The following ERBB4 variants were observed in gnomAD, a reference collection of about 807,000 sequenced individuals.
ERBB4 encodes the protein receptor tyrosine-protein kinase erbB-4.
Under a neutral mutation model 158.0 loss-of-function variants are expected in ERBB4, and 42 were observed. The ratio of observed to expected loss-of-function variants is 0.27; its 90% confidence interval spans 0.21 to 0.34. The LOEUF is 0.34. Ranked by LOEUF, ERBB4 falls within the 10% of genes least tolerant of loss-of-function variation. The probability of loss-of-function intolerance (pLI) is 1.00; values close to 1 mark genes in which losing one functional copy is unlikely to be tolerated. For synonymous variants in ERBB4, 583 were observed against 558.7 expected, an observed-to-expected ratio of 1.04 and a Z score of -0.61; for missense variants, 1,333 against 1,624.1, an observed-to-expected ratio of 0.82 and a Z score of 3.08.
At chr2:212,497,773 A>G (rs758166289) in intron 1 of ERBB4, among the ~76,000 whole-genome samples, 6 of 152,246 alleles carry the variant, frequency 3.9e-5, no homozygotes, top group Non-Finnish European at 7.3e-5. Flanking sequence ...AGAATACCTA[A>G]GGGCACAATA....
At chr2:212,101,327 TACAA>T (rs1200260745) in intron 2 of ERBB4, among the ~76,000 whole-genome samples, 2 of 97,006 alleles carry the variant, frequency 2.1e-5, no homozygotes, top group Admixed American at 9.4e-5. Context: ...TGGATCAAAA[TACAA>T]ACACACACAC....
chr2:212,403,019 C>T (rs1251193037), intron 1 of ERBB4, among the ~76,000 whole-genome samples: 1 of 151,950 alleles, frequency 6.6e-6, no homozygotes, highest in Admixed American at 6.6e-5. Flanking sequence ...ATTATATCTA[C>T]TAATTAGTCA....
At chr2:211,828,367 A>C (rs1286401606) in intron 3 of ERBB4, among the ~76,000 whole-genome samples, 4 of 152,044 alleles carry the variant, frequency 2.6e-5, no homozygotes, top group African/African-American at 4.8e-5. Context: ...CACAACCCTG[A>C]AATAAGGAAA....
intron 1 of ERBB4, among the ~76,000 whole-genome samples, chr2:212,377,025 C>G (rs188270746): frequency 1.7e-4 from 26 of 151,898 alleles, no homozygotes; most frequent in African/African-American, 6.3e-4. Flanking sequence ...AGAACCTTCA[C>G]TATATCTTCT....
At chr2:212,206,672 C>T (rs572467476) in intron 1 of ERBB4, among the ~76,000 whole-genome samples, 2 of 149,170 alleles carry the variant, frequency 1.3e-5, no homozygotes, top group East Asian at 3.9e-4. Context: ...CTGCAAGCTC[C>T]GCCTCCCGGG....
chr2:211,973,883 AT>A (rs2125210236), intron 2 of ERBB4, among the ~76,000 whole-genome samples: 1 of 152,332 alleles, frequency 6.6e-6, no homozygotes, highest in South Asian at 2.1e-4. Flanking sequence ...CATGTACACC[AT>A]GGAAACTATA....
intron 2 of ERBB4, among the ~76,000 whole-genome samples, chr2:212,056,117 A>G (rs1350078145): frequency 2.0e-5 from 3 of 152,248 alleles, no homozygotes; most frequent in Non-Finnish European, 2.9e-5. Flanking sequence ...TGGCACGAGA[A>G]CTACGTGACG....
intron 1 of ERBB4, among the ~76,000 whole-genome samples, chr2:212,277,256 A>G (rs992450752): frequency 6.6e-6 from 1 of 151,820 alleles, no homozygotes; most frequent in African/African-American, 2.4e-5. Context: ...TGACAAGTAA[A>G]ATATAAAATC....
Position 211,421,995 on chromosome 2 carries a change from A to C in ERBB4, c.2964+12T>G, listed in dbSNP as rs759261372. ...TGGCCTAGTCTTAAAGGCATAAGTC[A>C]AATGTACTCACCTGAATAACTAGGT... On this transcript the variant is annotated intron_variant, in intron 24 of 27. Transcript: ENST00000342788. The C allele has an allele frequency of 5.8e-6, 9 of 1,558,424 alleles. No homozygotes were observed. Among genetic ancestry groups the C allele is most frequent in the Non-Finnish European group, 7.1e-6 (8 of 1,129,582 alleles).
intron 1 of ERBB4, among the ~76,000 whole-genome samples, chr2:212,245,338 C>A (rs1256158243): frequency 1.3e-5 from 2 of 152,084 alleles, no homozygotes; most frequent in African/African-American, 4.8e-5. Flanking sequence ...AACTGGTTTT[C>A]TACATTTCCT....
At chr2:211,905,832 T>A (rs915133493) in intron 3 of ERBB4, among the ~76,000 whole-genome samples, 2 of 148,622 alleles carry the variant, frequency 1.3e-5, no homozygotes, top group Non-Finnish European at 3.0e-5. Context: ...GAAAAACACT[T>A]AAAGAAGGTG....
chr2:211,805,596 G>A (rs2076595565), intron 3 of ERBB4, among the ~76,000 whole-genome samples: 1 of 152,190 alleles, frequency 6.6e-6, no homozygotes, highest in Admixed American at 6.5e-5. Flanking sequence ...CCAGAAAACA[G>A]CACTGTGTCT....
intron 3 of ERBB4, among the ~76,000 whole-genome samples, chr2:211,838,527 T>A (rs1397320773): frequency 1.3e-5 from 2 of 152,192 alleles, no homozygotes; most frequent in South Asian, 2.1e-4. Flanking sequence ...AAAAGTGAAG[T>A]TTTTTAACCA....
chr2:211,733,454 T>TGC (rs1559468974), intron 5 of ERBB4, among the ~76,000 whole-genome samples: 1 of 151,914 alleles, frequency 6.6e-6, no homozygotes, highest in African/African-American at 2.4e-5. Flanking sequence ...AAGAATACCA[T>TGC]AGTATTTTTA....
chr2:212,312,292 T>C (rs1217980004), intron 1 of ERBB4, among the ~76,000 whole-genome samples: 1 of 151,082 alleles, frequency 6.6e-6, no homozygotes, highest in Non-Finnish European at 1.5e-5. Context: ...AAAGTGAGAC[T>C]ACTCTTGTTT....
intron 2 of ERBB4, among the ~76,000 whole-genome samples, chr2:211,982,357 G>C (rs919125018): frequency 6.6e-6 from 1 of 152,090 alleles, no homozygotes; most frequent in African/African-American, 2.4e-5. Context: ...TTGAGAAAGT[G>C]ATCTTTTAAA....
intron 1 of ERBB4, among the ~76,000 whole-genome samples, chr2:212,408,265 C>T (rs1402679432): frequency 6.6e-6 from 1 of 151,954 alleles, no homozygotes; most frequent in Non-Finnish European, 1.5e-5. Context: ...CAATAGGTCC[C>T]AGTGTGTGTT....
intron 3 of ERBB4, among the ~76,000 whole-genome samples, chr2:211,850,827 T>C (rs943653783): frequency 6.6e-6 from 1 of 151,982 alleles, no homozygotes; most frequent in African/African-American, 2.4e-5. Context: ...AAATTATTTT[T>C]CTTTTTATTA....
chr2:211,495,869 CA>C (rs1212352990), intron 20 of ERBB4, among the ~76,000 whole-genome samples: 3 of 151,958 alleles, frequency 2.0e-5, no homozygotes, highest in Non-Finnish European at 2.9e-5. Context: ...TTTATATTCA[CA>C]AACATAATAT....
Sources: allele counts gnomAD v4.1 joint callset (sites outside exome capture counted in the v4.1 genomes callset), GRCh38; gene constraint gnomAD v4.1.1; transcripts MANE v1.5; gene names NCBI Gene and HGNC (gene_info 2026-07-23, HGNC 2026-07-21).